Variants in PTCH2 observed in about 807,000 individuals in gnomAD.
The protein encoded by PTCH2 is protein patched homolog 2.
A neutral mutation model predicts 117.9 loss-of-function variants in PTCH2; 96 were observed. The observed-to-expected ratio is 0.81, with a 90% CI of 0.69 to 0.96. The LOEUF (loss-of-function observed/expected upper bound fraction) is 0.96. PTCH2 is among the 50% of genes least tolerant of loss of function. The pLI, the probability that PTCH2 is intolerant of heterozygous loss-of-function variation, is 0.00. For synonymous variants in PTCH2, 615 were observed against 660.9 expected (o/e 0.93, Z 1.06); for missense variants, 1,379 against 1,562.5 (o/e 0.88, Z 1.98).
Position 44,826,559 on chromosome 1 carries a change from A to G in PTCH2, c.2905T>C (p.Cys969Arg). 2 of 1,613,662 alleles carry G rather than the reference A, an allele frequency of 1.2e-6. No homozygotes were observed. Among genetic ancestry groups the G allele is most frequent in the Non-Finnish European group, 1.7e-6 (2 of 1,180,022 alleles). Reference protein sequence around the residue: ...GLRRCFLLAVCILLVCTFLVC... With the variant: ...GLRRCFLLAVRILLVCTFLVC... The stretch of plus-strand genomic sequence containing the variant: ...AGGAAAGTGCACACCAGCAGGATGC[A>G]GACGGCCAGCAGGAAGCAGCGCCGC... The change falls in exon 18 of 22, where the codon TGC (cysteine) becomes CGC (arginine). Residue 969 changes from cysteine to arginine, a missense_variant. Cys to Arg is a radical substitution (Grantham distance 180). Coordinates refer to ENST00000372192, the MANE Select transcript of PTCH2 (RefSeq NM_003738.5). This position sits in a 1 kb window ranked among gnomAD's most constrained non-coding sequence, Gnocchi z 5.1.
At chr1:44,829,866 T>A in intron 7 of PTCH2, 43 bp downstream of exon 7, 2 of 1,614,006 alleles carry the variant, frequency 1.2e-6, no homozygotes. Flanking sequence ...GTATGGGTTC[T>A]CATGAACAGA....
chr1:44,820,176 G>A (rs1202608309), downstream of PTCH2: 2 of 351,816 alleles, frequency 5.7e-6, no homozygotes, highest in Non-Finnish European at 5.7e-6. Context: ...CAAGCATCTT[G>A]AGGGTATCTT....
rs1410323838 is a variant in PTCH2, at chr1:44,827,663, C to T, written c.2110G>A (p.Ala704Thr). 7 of 1,612,950 alleles carry T rather than the reference C, an allele frequency of 4.3e-6. No homozygotes were observed. Among genetic ancestry groups the T allele is most frequent in the African/African-American group, 1.3e-5 (1 of 75,048 alleles). Residue 704 changes from alanine to threonine, a missense_variant, in exon 15 of 22, where the codon GCC becomes ACC. Ala to Thr is a moderately conservative substitution (Grantham distance 58). Coordinates refer to ENST00000372192, the MANE Select transcript of PTCH2 (RefSeq NM_003738.5). ...GCCAGGCCGTCTTGCACCAAGGTGG[C>T]TCCGTAGAGGCTCAGGCCCAGAAGA... Reference protein sequence around the residue: ...GALLGLSLYGATLVQDGLALT... With the variant: ...GALLGLSLYGTTLVQDGLALT...
At position 44,831,041 on chromosome 1, in the gene PTCH2, C is replaced by A. The variant is rs1215057732; in HGVS notation, c.620G>T (p.Gly207Val). 4 of 1,610,618 alleles carry A rather than the reference C, an allele frequency of 2.5e-6. No homozygotes were observed. ...GTTGGTCCACTGGATATCCGGGCGG[C>A]CGCTGAGGGAAAAGCCTATAGTTGG... ...KLQGGSAYLP[G>V]RPDIQWTNLD... Residue 207 changes from glycine to valine, a missense_variant and splice_region_variant, in exon 6 of 22, where the codon GGC becomes GTC. Physicochemically the swap from Gly to Val is moderately radical, Grantham distance 109. Transcript: ENST00000372192. The surrounding 1 kb of genome is among the most constrained non-coding windows in gnomAD (Gnocchi z 4.3).
chr1:44,823,142 A>T lies in PTCH2; in HGVS notation c.3284T>A (p.Leu1095His), dbSNP rs1379984001. ...VRYFFAALTV[L>H]TLLGLLHGLV... ...TCCATGGAGGAGGCCCAGGAGCGTG[A>T]GCACTGTCAGCGCCGCAAAGAAGTA... The change falls in exon 21 of 22, where the codon CTC (leucine) becomes CAC (histidine). Residue 1095 changes from leucine (L) to histidine (H), a missense_variant. By Grantham distance (99) the Leu-to-His change is moderately conservative. Coordinates refer to ENST00000372192, the MANE Select transcript of PTCH2 (RefSeq NM_003738.5). This position sits in a 1 kb window ranked among gnomAD's most constrained non-coding sequence, Gnocchi z 5.1. 2 of 1,614,086 alleles carry T rather than the reference A, an allele frequency of 1.2e-6. No homozygotes were observed. The highest frequency in any genetic ancestry group is 4.5e-5 in the East Asian group (2 of 44,876).
At chr1:44,822,849 C>T (rs1573638741) in intron 21 of PTCH2, among the ~76,000 whole-genome samples, 180 bp from the exon 22 acceptor site, 1 of 152,154 alleles carries the variant, frequency 6.6e-6, no homozygotes, top group East Asian at 1.9e-4. Context: ...GCACCTTGTT[C>T]TGGATCCTAA....
downstream of PTCH2, chr1:44,821,732 ATTTGTTATCGT>A: frequency 2.4e-6 from 3 of 1,232,512 alleles, no homozygotes; most frequent in Non-Finnish European, 3.1e-6. Context: ...CACCAACAAA[ATTTGTTATCGT>A]TTTGTATAGT....
chr1:44,838,733 T>TC (rs201954680), intron 2 of PTCH2, among the ~76,000 whole-genome samples: 121 of 151,384 alleles, frequency 8.0e-4, no homozygotes, highest in African/African-American at 2.7e-3. Context: ...TCTTTTCTTT[T>TC]TTTTTTTTTT....
downstream of PTCH2, chr1:44,820,750 C>T (rs1483174026): frequency 2.8e-6 from 2 of 717,670 alleles, no homozygotes; most frequent in Non-Finnish European, 5.2e-6. Flanking sequence ...GGCTAACTTG[C>T]CCAGGGTTAC....
intron 2 of PTCH2, among the ~76,000 whole-genome samples, chr1:44,838,646 AAGG>A (rs1380545508): frequency 1.3e-5 from 2 of 152,242 alleles, no homozygotes; most frequent in Admixed American, 6.5e-5. Flanking sequence ...AGGCAAAGTT[AAGG>A]AGGACCCTGA....
rs1653030983 is a variant in PTCH2, at chr1:44,823,969, G to T, written c.3115-584C>A. 6.7e-6 allele frequency among the ~76,000 whole-genome samples: 1 copy of T among 148,456 alleles called. No homozygotes were observed. The highest frequency in any genetic ancestry group is 2.6e-5 in the African/African-American group (1 of 37,986). ...ACAAACAAACAAACAAACAAACATA[G>T]GTTGGGCAAACTACAGCCTGTCACT... On this transcript the variant is annotated intron_variant, in intron 19 of 21. Transcript: ENST00000372192. This position sits in a 1 kb window ranked among gnomAD's most constrained non-coding sequence, Gnocchi z 5.1.
chr1:44,831,764 T>C lies in PTCH2; in HGVS notation c.559A>G (p.Thr187Ala). ...IEKLFPCVIL[T>A]PLDCFWEGAK... ...CCCTCCCAGAAGCAGTCGAGGGGGG[T>C]GAGGATCACGCACGGAAACAGCTTC... The change falls in exon 5 of 22, where the codon ACC (threonine) becomes GCC (alanine). Residue 187 changes from threonine to alanine, a missense_variant. By Grantham distance (58) the Thr-to-Ala change is moderately conservative. Transcript: ENST00000372192. The surrounding 1 kb of genome is among the most constrained non-coding windows in gnomAD (Gnocchi z 4.3). The C allele has an allele frequency of 6.3e-7, 1 of 1,580,186 alleles. No individual in the cohort carries two copies. The highest frequency in any genetic ancestry group is 8.6e-7 in the Non-Finnish European group (1 of 1,163,908).
Position 44,831,536 on chromosome 1 carries a change from A to C in PTCH2, c.617+170T>G, listed in dbSNP as rs1037877275. ...GGTCTTCCTTCCTTGAGAGGGAAAG[A>C]GAAGGAGGATGTGGAGAGAGCCTTG... On this transcript the variant is annotated intron_variant, in intron 5 of 21. Transcript: ENST00000372192. The surrounding 1 kb of genome is among the most constrained non-coding windows in gnomAD (Gnocchi z 4.3). Among the ~76,000 whole-genome samples, 3 of 152,226 alleles carry C rather than the reference A, an allele frequency of 2.0e-5. No individual in the cohort carries two copies. The highest frequency in any genetic ancestry group is 4.4e-5 in the Non-Finnish European group (3 of 68,032).
In PTCH2 at chr1:44,827,012, A is replaced by G; in HGVS notation, c.2585T>C (p.Val862Ala). 1 of 1,614,074 alleles carries G rather than the reference A, an allele frequency of 6.2e-7. No individual in the cohort carries two copies. Among genetic ancestry groups the G allele is most frequent in the Non-Finnish European group, 8.5e-7 (1 of 1,180,010 alleles). The change falls in exon 17 of 22, where the codon GTG becomes GCG. Residue 862 changes from valine (V) to alanine (A), a missense_variant. Coordinates refer to ENST00000372192, the MANE Select transcript of PTCH2 (RefSeq NM_003738.5). ...PPELFYMGLT[V>A]WVSSDPLGLA... is the part of the protein sequence containing the mutation. ...ACCCAGGGGGTCACTGCTCACCCAC[A>G]CGGTCAGCCCCATGTAGAAGAGCTC...
In PTCH2 at chr1:44,831,017, T is replaced by C; in HGVS notation, c.644A>G (p.Asn215Ser). ...CTCCAGCAGCTGCTCTGGATCCAGG[T>C]TGGTCCACTGGATATCCGGGCGGCC... ...LPGRPDIQWT[N>S]LDPEQLLEEL... Residue 215 changes from asparagine (N) to serine (S), a missense_variant, in exon 6 of 22, where the codon AAC becomes AGC. Asn to Ser is a conservative substitution (Grantham distance 46, BLOSUM62 1). Coordinates refer to ENST00000372192, the MANE Select transcript of PTCH2 (RefSeq NM_003738.5). This position sits in a 1 kb window ranked among gnomAD's most constrained non-coding sequence, Gnocchi z 4.3. 2 of 1,611,952 alleles carry C rather than the reference T, an allele frequency of 1.2e-6. No individual in the cohort carries two copies. Among genetic ancestry groups the C allele is most frequent in the Non-Finnish European group, 1.7e-6 (2 of 1,179,350 alleles).
At chr1:44,821,207 G>T (rs908790298), downstream of PTCH2, among the ~76,000 whole-genome samples, 3 of 152,098 alleles carry the variant, frequency 2.0e-5, no homozygotes, top group African/African-American at 7.2e-5. Context: ...ACGCCTCTAG[G>T]TGAGGCTCTG....
At chr1:44,820,789 C>G, downstream of PTCH2, 2 of 709,906 alleles carry the variant, frequency 2.8e-6, no homozygotes, top group Non-Finnish European at 2.6e-6. Context: ...TGAGGGCTGA[C>G]CCCCTTTGCA....
At chr1:44,835,701 A>G (rs1490940805) in intron 2 of PTCH2, among the ~76,000 whole-genome samples, 1 of 152,250 alleles carries the variant, frequency 6.6e-6, no homozygotes, top group East Asian at 1.9e-4. Flanking sequence ...GATTTTGGGC[A>G]GAGGGGATCT....
chr1:44,829,072 C>T lies in PTCH2; in HGVS notation c.1374G>A (p.Val458=), dbSNP rs2148876947. ...CGATTCCCAGAGCCAAGAAGGGCAG[C>T]ACCTGGAGGGGCAGAGGAGCGGGCA... ...GITFNAATTQ[V]LPFLALGIGV... The change falls in exon 11 of 22, where the codon GTG becomes GTA. Residue 458 remains valine, a splice_region_variant and synonymous_variant. Transcript: ENST00000372192. The T allele has an allele frequency of 6.2e-7, 1 of 1,611,698 alleles. No homozygotes were observed. The highest frequency in any genetic ancestry group is 8.5e-7 in the Non-Finnish European group (1 of 1,179,026).
Sources: gnomAD v4.1 joint callset for allele counts (sites outside exome capture counted in the v4.1 genomes callset) on GRCh38, gnomAD v4.1.1 for gene constraint, Gnocchi (gnomAD v3.1) non-coding constraint, MANE v1.5 for transcripts, NCBI Gene and HGNC (gene_info 2026-07-23, HGNC 2026-07-21) for gene names.